Variants in EPG5 observed in about 807,000 individuals in gnomAD.
EPG5 encodes ectopic P granules protein 5 homolog.
A neutral mutation model predicts 302.7 loss-of-function variants in EPG5; 159 were observed. That is an observed-to-expected ratio of 0.53 (90% CI 0.46 to 0.60). EPG5 has a LOEUF of 0.60. EPG5 is among the 20% of genes least tolerant of loss of function. The pLI is 0.00. For synonymous variants in EPG5, 1,158 were observed against 1,136.8 expected, an observed-to-expected ratio of 1.02 and a Z score of -0.37; for missense variants, 2,896 against 3,092.4, an observed-to-expected ratio of 0.94 and a Z score of 1.51.
the EPG5 span, among the ~76,000 whole-genome samples, chr18:45,813,299 C>T: frequency 1.3e-5 from 2 of 152,164 alleles, no homozygotes; most frequent in African/African-American, 2.4e-5. Context: ...GAAATAGGAA[C>T]ACTTTTACAC....
chr18:45,842,371 C>A, the EPG5 span: 4 of 605,546 alleles, frequency 6.6e-6, no homozygotes, highest in Non-Finnish European at 1.2e-5. Context: ...TGTGGACAAC[C>A]ATTTCGGAGC....
At chr18:45,836,991 T>C in the EPG5 span, 1 of 1,051,988 alleles carries the variant, frequency 9.5e-7, no homozygotes. Flanking sequence ...CCTCAGTTTA[T>C]TCACGTGTAA....
At chr18:45,842,355 C>A in the EPG5 span, 1 of 648,868 alleles carries the variant, frequency 1.5e-6, no homozygotes, top group Non-Finnish European at 2.7e-6. Context: ...CTCATCTGGC[C>A]TCCTATGTGG....
At chr18:45,838,917 C>T in the EPG5 span, 2 of 1,603,054 alleles carry the variant, frequency 1.2e-6, no homozygotes, top group Non-Finnish European at 1.7e-6. Flanking sequence ...TGACCCATGA[C>T]GGCCGCTACA....
At chr18:45,819,976 CACAGGAAA>C in the EPG5 span, among the ~76,000 whole-genome samples, 3 of 152,212 alleles carry the variant, frequency 2.0e-5, no homozygotes, top group South Asian at 6.2e-4. Flanking sequence ...CCTCATTTTG[CACAGGAAA>C]TAAAATATGT....
the EPG5 span, among the ~76,000 whole-genome samples, chr18:45,828,672 G>A: frequency 3.0e-4 from 46 of 152,272 alleles, no homozygotes; most frequent in East Asian, 5.4e-3. Flanking sequence ...GGTGACTGCC[G>A]GGGCATCCAG....
intron 42 of EPG5, 118 bp from the exon 43 acceptor site, chr18:45,855,805 G>A (rs1009569462): frequency 1.1e-5 from 7 of 666,238 alleles, no homozygotes; most frequent in Admixed American, 5.3e-5. Flanking sequence ...CTACTGTGTT[G>A]TTCACCTTCT....
chr18:45,878,908 T>A (rs1031520800), intron 33 of EPG5, 105 bp downstream of exon 33: 7 of 881,880 alleles, frequency 7.9e-6, no homozygotes, highest in Non-Finnish European at 1.1e-5. Context: ...ATATTTCTAC[T>A]TTCTCTCCTT....
chr18:45,967,317 C>T lies in EPG5; in HGVS notation c.-78G>A. 9.6e-6 allele frequency: 13 copies of T among 1,356,390 alleles called. No individual in the cohort carries two copies. 84.0% of individuals were successfully genotyped at this position (1,356,390 alleles called of 1,614,324 possible). On this transcript the variant is annotated 5_prime_UTR_variant, in exon 1 of 44. Transcript: ENST00000282041. The stretch of plus-strand genomic sequence containing the variant: ...AAGCAACCTGCCCGGTTCTGGCCTC[C>T]GGACTGTCACATGATCGAATCTCCG...
intron 24 of EPG5, among the ~76,000 whole-genome samples, chr18:45,907,463 A>G (rs978657481): frequency 6.6e-6 from 1 of 152,176 alleles, no homozygotes; most frequent in African/African-American, 2.4e-5. Context: ...GAAGACTGAA[A>G]TCAAGTGGTT....
rs188505096 is a variant in EPG5, at chr18:45,860,159, G to A, written c.6954C>T (p.Ser2318=). 28 of 1,614,150 alleles carry A rather than the reference G, an allele frequency of 1.7e-5. No homozygotes were observed. Among genetic ancestry groups the A allele is most frequent in the East Asian group, 6.7e-5 (3 of 44,888 alleles). The change falls in exon 40 of 44, where the codon TCC becomes TCT. Residue 2318 remains serine, a synonymous_variant. Coordinates refer to ENST00000282041, the MANE Select transcript of EPG5 (RefSeq NM_020964.3). The part of the protein sequence containing the change: ...LLTAACQSLA[S]VRHMAETTEA... ...CTGTAGTCTCAGCCATGTGGCGGAC[G>A]GACGCCAGGCTCTGGCAGGCTGCTG...
chr18:45,818,836 C>T, the EPG5 span, among the ~76,000 whole-genome samples: 1 of 145,416 alleles, frequency 6.9e-6, no homozygotes, highest in African/African-American at 2.5e-5. Flanking sequence ...TGGGTTCAAG[C>T]GATTCTTGTG....
chr18:45,946,764 G>A lies in EPG5; in HGVS notation c.1576C>T (p.Arg526Ter). The A allele has an allele frequency of 8.7e-6, 14 of 1,613,940 alleles. No homozygotes were observed. Among genetic ancestry groups the A allele is most frequent in the Non-Finnish European group, 1.2e-5 (14 of 1,179,814 alleles). ...TTCATGTGGCACATAAACTCAGCTC[G>A]ATTTCTAAAGGACAAGAATAATCAC... The part of the protein sequence containing the change: ...LALLMSPVKN[R>*]AEFMCHMKPS... The change falls in exon 7 of 44, where the codon CGA becomes TGA. Residue 526 changes from arginine (R) to a stop codon, truncating the protein, a stop_gained. Transcript: ENST00000282041. LOFTEE classifies it high-confidence loss of function.
At chr18:45,865,832 G>C in intron 38 of EPG5, 73 bp from the exon 39 acceptor site, 2 of 1,476,924 alleles carry the variant, frequency 1.4e-6, no homozygotes, top group South Asian at 2.5e-5. Context: ...TTTCCTGGGA[G>C]CATGGCACTG....
chr18:45,947,713 A>C (rs1199483822), intron 6 of EPG5, among the ~76,000 whole-genome samples: 1 of 151,484 alleles, frequency 6.6e-6, no homozygotes, highest in Non-Finnish European at 1.5e-5. Context: ...GCCTTTGCTC[A>C]CACTGTTCTC....
At chr18:45,837,795 T>C in the EPG5 span, 1 of 1,524,446 alleles carries the variant, frequency 6.6e-7, no homozygotes. Flanking sequence ...GTCGAGCGCC[T>C]CGCCCTGGCT....
intron 25 of EPG5, among the ~76,000 whole-genome samples, chr18:45,903,526 A>G (rs2049674100): frequency 6.6e-6 from 1 of 152,244 alleles, no homozygotes; most frequent in African/African-American, 2.4e-5. Flanking sequence ...ATTTACAATG[A>G]TATGTCCTAT....
chr18:45,913,642 G>A, intron 21 of EPG5, 64 bp downstream of exon 21: 2 of 1,585,652 alleles, frequency 1.3e-6, no homozygotes, highest in African/African-American at 1.3e-5. Flanking sequence ...AGCTACGGGT[G>A]AATCCATCAG....
chr18:45,802,139 T>C, the EPG5 span, among the ~76,000 whole-genome samples: 4 of 152,140 alleles, frequency 2.6e-5, no homozygotes, highest in African/African-American at 9.7e-5. Flanking sequence ...TGGCCCTTCC[T>C]TGGAGACTCC....
Sources: gnomAD v4.1 joint callset for allele counts (sites outside exome capture counted in the v4.1 genomes callset) on GRCh38, gnomAD v4.1.1 for gene constraint, MANE v1.5 for transcripts, NCBI Gene and HGNC (gene_info 2026-07-23, HGNC 2026-07-21) for gene names.